The following GSDMC variants were observed in gnomAD, a reference collection of about 807,000 sequenced individuals.
The protein encoded by GSDMC is gasdermin-C.
GSDMC carries 59 observed loss-of-function variants against 58.0 expected under a neutral mutation model. The observed-to-expected ratio is 1.02, with a 90% CI of 0.82 to 1.26. The LOEUF (loss-of-function observed/expected upper bound fraction) is 1.26, where lower values mean the gene tolerates loss of function less well. GSDMC is among the 50% of genes most tolerant of loss of function. The pLI is 0.00. For synonymous variants in GSDMC, 241 were observed against 220.2 expected (o/e 1.09, Z -0.83); for missense variants, 659 against 598.5 (o/e 1.10, Z -1.06).
chr8:129,768,440 GA>G (rs2033939918), intron 3 of GSDMC, among the ~76,000 whole-genome samples: 1 of 152,100 alleles, frequency 6.6e-6, no homozygotes, highest in Non-Finnish European at 1.5e-5. Context: ...GAAGTTCAAT[GA>G]ACTACAAGAA....
intron 13 of GSDMC, among the ~76,000 whole-genome samples, 168 bp downstream of exon 13, chr8:129,749,284 A>G (rs1301148438): frequency 6.6e-6 from 1 of 152,168 alleles, no homozygotes; most frequent in East Asian, 1.9e-4. Context: ...CCACTGGACC[A>G]GGTCTCCAGA....
the GSDMC span, among the ~76,000 whole-genome samples, chr8:129,722,010 C>G: frequency 6.6e-6 from 1 of 152,270 alleles, no homozygotes; most frequent in South Asian, 2.1e-4. Context: ...CTACCCTAAA[C>G]TGAGAAAGGA....
intron 11 of GSDMC, 108 bp downstream of exon 11, chr8:129,750,323 C>G (rs1471886179): frequency 1.6e-6 from 2 of 1,226,460 alleles, no homozygotes; most frequent in East Asian, 2.3e-5. Context: ...TTCTCATTCC[C>G]CTGGCATCTT....
chr8:129,705,922 T>C, the GSDMC span, among the ~76,000 whole-genome samples: 3 of 152,178 alleles, frequency 2.0e-5, no homozygotes, highest in Admixed American at 6.5e-5. Flanking sequence ...ATAAATTTTA[T>C]TGGTTCTACT....
At chr8:129,726,158 T>C in the GSDMC span, among the ~76,000 whole-genome samples, 1 of 152,232 alleles carries the variant, frequency 6.6e-6, no homozygotes, top group African/African-American at 2.4e-5. Flanking sequence ...AGGCATGGCT[T>C]TTCTGAAATA....
At chr8:129,766,155 G>A (rs2033852104) in intron 3 of GSDMC, among the ~76,000 whole-genome samples, 1 of 152,210 alleles carries the variant, frequency 6.6e-6, no homozygotes, top group Non-Finnish European at 1.5e-5. Context: ...GTCTTTAGGA[G>A]GTCCTGTTGT....
At chr8:129,726,098 T>A in the GSDMC span, among the ~76,000 whole-genome samples, 1 of 152,208 alleles carries the variant, frequency 6.6e-6, no homozygotes, top group Non-Finnish European at 1.5e-5. Context: ...ACAATCAGAT[T>A]TATCACAGAA....
the GSDMC span, chr8:129,722,975 AC>A: frequency 6.6e-6 from 1 of 152,224 alleles, no homozygotes; most frequent in Non-Finnish European, 1.5e-5. Flanking sequence ...GGAGGTACTC[AC>A]CACATTCTAT....
the GSDMC span, among the ~76,000 whole-genome samples, chr8:129,731,116 A>G: frequency 6.6e-6 from 1 of 152,220 alleles, no homozygotes; most frequent in Non-Finnish European, 1.5e-5. Flanking sequence ...TTGAACAGGG[A>G]TAATTTTAAT....
At chr8:129,738,295 A>G in the GSDMC span, among the ~76,000 whole-genome samples, 1 of 152,212 alleles carries the variant, frequency 6.6e-6, no homozygotes, top group Admixed American at 6.5e-5. Flanking sequence ...TGACCCATTG[A>G]TCCCATTACT....
At chr8:129,777,246 T>C (rs1238121748) in intron 2 of GSDMC, 122 bp downstream of exon 2, 5 of 628,124 alleles carry the variant, frequency 8.0e-6, no homozygotes, top group Non-Finnish European at 1.4e-5. Context: ...CCCTTGCCTA[T>C]AGGCAAGGCT....
chr8:129,741,163 G>A, the GSDMC span, among the ~76,000 whole-genome samples: 4 of 151,878 alleles, frequency 2.6e-5, no homozygotes, highest in African/African-American at 7.3e-5. Context: ...TAAATACTTC[G>A]GTTTATTTCT....
downstream of GSDMC, among the ~76,000 whole-genome samples, chr8:129,744,852 T>C (rs2032929465): frequency 6.6e-6 from 1 of 152,244 alleles, no homozygotes; most frequent in Admixed American, 6.5e-5. Flanking sequence ...GACCATGTGC[T>C]CATTTAACAA....
At chr8:129,762,213 G>A (rs1358180901) in intron 5 of GSDMC, among the ~76,000 whole-genome samples, 1 of 152,218 alleles carries the variant, frequency 6.6e-6, no homozygotes, top group Non-Finnish European at 1.5e-5. Context: ...TTTTGTTTGT[G>A]ATTGTGATGT....
chr8:129,741,907 GAAAATGT>G, the GSDMC span, among the ~76,000 whole-genome samples: 497 of 88,208 alleles, frequency 5.6e-3, 9 homozygotes, highest in African/African-American at 0.034. Flanking sequence ...AGTGAATAAA[GAAAATGT>G]AATATATATA....
the GSDMC span, among the ~76,000 whole-genome samples, chr8:129,741,129 CTT>C: frequency 1.3e-5 from 2 of 152,028 alleles, no homozygotes; most frequent in Non-Finnish European, 2.9e-5. Context: ...ATTCTTGGCA[CTT>C]TTGTTGAAAA....
the GSDMC span, among the ~76,000 whole-genome samples, chr8:129,721,940 C>T: frequency 2.6e-5 from 4 of 152,084 alleles, no homozygotes; most frequent in African/African-American, 9.7e-5. Context: ...ATTAGCCCCA[C>T]CCAAATCACA....
chr8:129,778,075 A>G (rs115421160), intron 1 of GSDMC, among the ~76,000 whole-genome samples: 1 of 152,194 alleles, frequency 6.6e-6, no homozygotes. Context: ...GGCGGGGCTT[A>G]TGTTAAGATG....
chr8:129,724,159 T>G, the GSDMC span, among the ~76,000 whole-genome samples: 1 of 152,154 alleles, frequency 6.6e-6, no homozygotes, highest in Non-Finnish European at 1.5e-5. Flanking sequence ...GCCTCCTGCC[T>G]ACAGCCATGC....
Sources: allele counts gnomAD v4.1 joint callset (sites outside exome capture counted in the v4.1 genomes callset), GRCh38; gene constraint gnomAD v4.1.1; transcripts MANE v1.5; gene names NCBI Gene and HGNC (gene_info 2026-07-23, HGNC 2026-07-21).